Variants in ISLR observed in about 807,000 individuals in gnomAD.
The protein encoded by ISLR is immunoglobulin superfamily containing leucine rich repeat.
Under a neutral mutation model 11.0 loss-of-function variants are expected in ISLR, and 9 were observed. The observed-to-expected ratio is 0.82, with a 90% CI of 0.49 to 1.43. The LOEUF (loss-of-function observed/expected upper bound fraction) is 1.43. ISLR is among the 40% of genes most tolerant of loss of function. The pLI, the probability that ISLR is intolerant of heterozygous loss-of-function variation, is 0.00. For missense variants in ISLR, 510 were observed against 576.4 expected (o/e 0.88, Z 1.18); for synonymous variants, 262 against 264.1 (o/e 0.99, Z 0.08).
intron 1 of ISLR, chr15:74,174,576 G>C: frequency 2.6e-6 from 1 of 387,520 alleles, no homozygotes; most frequent in Non-Finnish European, 4.6e-6. Context: ...GGCCGAGGCA[G>C]GGAGAACTCT....
Position 74,176,619 on chromosome 15 carries a change from CCTGCT to C in ISLR, c.*476_*480del. 5.7e-6 allele frequency: 1 copy of C among 175,048 alleles called. No homozygotes were observed. Among genetic ancestry groups the C allele is most frequent in the Non-Finnish European group, 1.4e-5 (1 of 73,776 alleles). 10.8% of individuals were successfully genotyped at this position (175,048 alleles called of 1,614,324 possible). A position where few individuals can be genotyped will look rare whatever the true frequency, so the allele number is the denominator to read the frequency against. On this transcript the variant is annotated 3_prime_UTR_variant, in exon 2 of 2. Transcript: ENST00000249842. ...GGTATGGCTCTGAGGCTCCCTGGGG[CCTGCT>C]CAAGCTCCTCCTGCTCCTTGCTGTT... is the stretch of plus-strand genomic sequence containing the variant.
At position 74,176,609 on chromosome 15, in the gene ISLR, CTCCCTGG is replaced by C; in HGVS notation, c.*465_*471del. ...GACAGTGGCTGGTATGGCTCTGAGGCTCCCTGGGGCCTGCTCAAGCTCCTCCTGCTCC... is the reference window on the plus strand; with the variant it reads ...GACAGTGGCTGGTATGGCTCTGAGGCGGCCTGCTCAAGCTCCTCCTGCTCC... On this transcript the variant is annotated 3_prime_UTR_variant, in exon 2 of 2. Coordinates refer to ENST00000249842, the MANE Select transcript of ISLR (RefSeq NM_005545.4). The C allele has an allele frequency of 1.1e-5, 2 of 176,336 alleles. No individual in the cohort carries two copies. The highest frequency in any genetic ancestry group is 2.7e-5 in the Non-Finnish European group (2 of 74,682). The allele number at this position is 176,336 out of a possible 1,614,324, so 10.9% of individuals were successfully genotyped here. A position where few individuals can be genotyped will look rare whatever the true frequency, so the allele number is the denominator to read the frequency against.
In ISLR at chr15:74,175,706, C is replaced by G; in HGVS notation, c.848C>G (p.Pro283Arg). 1 of 1,614,098 alleles carries G rather than the reference C, an allele frequency of 6.2e-7. No homozygotes were observed. Among genetic ancestry groups the G allele is most frequent in the East Asian group, 2.2e-5 (1 of 44,876 alleles). ...IPSGIVEITS[P>R]NVGTDGRALP... ...AGTGGCATTGTGGAGATCACCAGCC[C>G]CAACGTGGGCACTGATGGGCGTGCC... The change falls in exon 2 of 2, where the codon CCC becomes CGC. Residue 283 changes from proline (P) to arginine (R), a missense_variant. Transcript: ENST00000249842. This position sits in a 1 kb window ranked among gnomAD's most constrained non-coding sequence, Gnocchi z 4.7.
At position 74,175,099 on chromosome 15, in the gene ISLR, C is replaced by T. The variant is rs1174403488; in HGVS notation, c.241C>T (p.Leu81=). The change falls in exon 2 of 2, where the codon CTG becomes TTG. Residue 81 remains leucine (L), a synonymous_variant. Coordinates refer to ENST00000249842, the MANE Select transcript of ISLR (RefSeq NM_005545.4). This position sits in a 1 kb window ranked among gnomAD's most constrained non-coding sequence, Gnocchi z 4.7. The part of the protein sequence containing the change: ...REVPLLQSLW[L]AHNEIRTVAA... The stretch of plus-strand genomic sequence containing the variant: ...GGTGCCCCTGCTGCAGTCGCTGTGG[C>T]TGGCACACAATGAGATCCGCACGGT... 6.2e-6 allele frequency: 10 copies of T among 1,611,646 alleles called. No homozygotes were observed. The Middle Eastern group carries it at 6.6e-4, about 106-fold the overall frequency.
At position 74,176,061 on chromosome 15, in the gene ISLR, A is replaced by G. The variant is rs1400039056; in HGVS notation, c.1203A>G (p.Ala401=). The G allele has an allele frequency of 6.2e-7, 1 of 1,610,812 alleles. No homozygotes were observed. Among genetic ancestry groups the G allele is most frequent in the African/African-American group, 1.3e-5 (1 of 74,914 alleles). The change falls in exon 2 of 2, where the codon GCA becomes GCG. Residue 401 remains alanine (A), a synonymous_variant. Transcript: ENST00000249842. ...SRAGNPEAAV[A]EGVPGQLPPG... is the part of the protein sequence containing the mutation. Reference sequence around the variant, plus strand: ...CTGGGAACCCTGAGGCTGCAGTCGCAGAAGGGGTCCCTGGGCAGCTGCCCC... The same window carrying G: ...CTGGGAACCCTGAGGCTGCAGTCGCGGAAGGGGTCCCTGGGCAGCTGCCCC...
At chr15:74,174,582 ACT>A (rs765426499) in intron 1 of ISLR, 9 of 388,146 alleles carry the variant, frequency 2.3e-5, no homozygotes, top group Non-Finnish European at 3.7e-5. Flanking sequence ...GGCAGGGAGA[ACT>A]CTCCACTCGG....
In ISLR at chr15:74,175,657, C is replaced by A; in HGVS notation, c.799C>A (p.Leu267Ile). ...TGTGGACGGGCAGCCGGCCCCTCAG[C>A]TTCACTGGCACATCCAGATACCCAG... is the stretch of plus-strand genomic sequence containing the variant. ...CDVDGQPAPQ[L>I]HWHIQIPSGI... The change falls in exon 2 of 2, where the codon CTT becomes ATT. Residue 267 changes from leucine (L) to isoleucine (I), a missense_variant. Physicochemically the swap from Leu to Ile is conservative, Grantham distance 5. Transcript: ENST00000249842. This position sits in a 1 kb window ranked among gnomAD's most constrained non-coding sequence, Gnocchi z 4.7. 1 of 1,614,140 alleles carries A rather than the reference C, an allele frequency of 6.2e-7. No homozygotes were observed. Among genetic ancestry groups the A allele is most frequent in the Non-Finnish European group, 8.5e-7 (1 of 1,180,028 alleles).
At position 74,175,184 on chromosome 15, in the gene ISLR, T is replaced by C; in HGVS notation, c.326T>C (p.Leu109Pro). The C allele has an allele frequency of 6.2e-7, 1 of 1,613,074 alleles. No homozygotes were observed. Among genetic ancestry groups the C allele is most frequent in the Admixed American group, 1.7e-5 (1 of 60,008 alleles). Reference sequence around the variant, plus strand: ...AAGAGCCTGGACCTCAGCCACAATCTCATCTCTGACTTTGCCTGGAGCGAC... The same window carrying C: ...AAGAGCCTGGACCTCAGCCACAATCCCATCTCTGACTTTGCCTGGAGCGAC... ...HLKSLDLSHN[L>P]ISDFAWSDLH... Residue 109 changes from leucine to proline, a missense_variant, in exon 2 of 2, where the codon CTC (leucine) becomes CCC (proline). Transcript: ENST00000249842. The surrounding 1 kb of genome is among the most constrained non-coding windows in gnomAD (Gnocchi z 4.7).
Position 74,175,729 on chromosome 15 carries a change from G to T in ISLR, c.871G>T (p.Ala291Ser). The change falls in exon 2 of 2, where the codon GCC becomes TCC. Residue 291 changes from alanine (A) to serine (S), a missense_variant. Coordinates refer to ENST00000249842, the MANE Select transcript of ISLR (RefSeq NM_005545.4). This position sits in a 1 kb window ranked among gnomAD's most constrained non-coding sequence, Gnocchi z 4.7. ...TSPNVGTDGR[A>S]LPGTPVASSQ... Reference sequence around the variant, plus strand: ...CCCCAACGTGGGCACTGATGGGCGTGCCCTGCCTGGCACCCCTGTGGCCAG... The same window carrying T: ...CCCCAACGTGGGCACTGATGGGCGTTCCCTGCCTGGCACCCCTGTGGCCAG... 1.2e-6 allele frequency: 2 copies of T among 1,613,916 alleles called. No homozygotes were observed. The highest frequency in any genetic ancestry group is 1.7e-6 in the Non-Finnish European group (2 of 1,179,916).
At position 74,175,056 on chromosome 15, in the gene ISLR, G is replaced by T. The variant is rs200581049; in HGVS notation, c.198G>T (p.Pro66=). 5 of 1,611,460 alleles carry T rather than the reference G, an allele frequency of 3.1e-6. No individual in the cohort carries two copies. Among genetic ancestry groups the T allele is most frequent in the Non-Finnish European group, 2.5e-6 (3 of 1,179,040 alleles). ...SLSANRLPGL[P]EGAFREVPLL... is the part of the protein sequence containing the mutation. ...CAGCCAACCGGCTGCCAGGCTTGCC[G>T]GAGGGTGCCTTCAGGGAGGTGCCCC... Residue 66 remains proline (P), a synonymous_variant, in exon 2 of 2, where the codon CCG becomes CCT. Transcript: ENST00000249842. This position sits in a 1 kb window ranked among gnomAD's most constrained non-coding sequence, Gnocchi z 4.7.
At position 74,176,085 on chromosome 15, in the gene ISLR, C is replaced by T; in HGVS notation, c.1227C>T (p.Pro409=). 1.2e-6 allele frequency: 2 copies of T among 1,600,022 alleles called. No homozygotes were observed. Among genetic ancestry groups the T allele is most frequent in the Non-Finnish European group, 1.7e-6 (2 of 1,172,918 alleles). ...AVAEGVPGQL[P]PGLLLLGQSL... The stretch of plus-strand genomic sequence containing the variant: ...CAGAAGGGGTCCCTGGGCAGCTGCC[C>T]CCAGGCCTGCTCCTGCTGGGCCAAA... Residue 409 remains proline, a synonymous_variant, in exon 2 of 2, where the codon CCC becomes CCT. Transcript: ENST00000249842.
At chr15:74,174,468 C>T (rs1044360769) in intron 1 of ISLR, 3 of 121,936 alleles carry the variant, frequency 2.5e-5, no homozygotes, top group South Asian at 2.1e-4. Context: ...GGAGGGACTG[C>T]GGCCAGGATG....
In ISLR at chr15:74,175,643, A is replaced by T. The variant is rs750885731; in HGVS notation, c.785A>T (p.Gln262Leu). 1.9e-6 allele frequency: 3 copies of T among 1,614,106 alleles called. No homozygotes were observed. The South Asian group carries it at 3.3e-5, about 18-fold the overall frequency. Residue 262 changes from glutamine (Q) to leucine (L), a missense_variant, in exon 2 of 2, where the codon CAG becomes CTG. Physicochemically the swap from Gln to Leu is moderately radical, Grantham distance 113. Transcript: ENST00000249842. The surrounding 1 kb of genome is among the most constrained non-coding windows in gnomAD (Gnocchi z 4.7). Reference protein sequence around the residue: ...VLALHCDVDGQPAPQLHWHIQ... With the variant: ...VLALHCDVDGLPAPQLHWHIQ... ...GCACTGCACTGTGATGTGGACGGGC[A>T]GCCGGCCCCTCAGCTTCACTGGCAC...
At position 74,175,392 on chromosome 15, in the gene ISLR, CG is replaced by C; in HGVS notation, c.535del (p.Glu179ArgfsTer18). ...CCGCGCTGTCCCACCTGCAGATCAACGAGAACCCCTTCGACTGCACCTGCGG... is the reference window on the plus strand; with the variant it reads ...CCGCGCTGTCCCACCTGCAGATCAACAGAACCCCTTCGACTGCACCTGCGG... ...LTALSHLQIN[E>X]NPFDCTCGIV... On this transcript the variant is annotated frameshift_variant, in exon 2 of 2. Transcript: ENST00000249842. LOFTEE classifies it high-confidence loss of function. The surrounding 1 kb of genome is among the most constrained non-coding windows in gnomAD (Gnocchi z 4.7). The C allele has an allele frequency of 6.2e-7, 1 of 1,611,892 alleles. No homozygotes were observed. The highest frequency in any genetic ancestry group is 8.5e-7 in the Non-Finnish European group (1 of 1,179,920).
chr15:74,174,807 G>T, intron 1 of ISLR, 44 bp from the exon 2 acceptor site: 3 of 1,437,438 alleles, frequency 2.1e-6, no homozygotes, highest in Middle Eastern at 1.9e-4. Context: ...GAGTCCCTTT[G>T]GCAGGTTCTC....
rs1359417079 is a variant in ISLR, at chr15:74,175,212, G to T, written c.354G>T (p.Leu118=). ...NLISDFAWSD[L]HNLSALQLLK... is the part of the protein sequence containing the mutation. ...TCTCTGACTTTGCCTGGAGCGACCTGCACAACCTCAGTGCCCTCCAATTGC... is the reference window on the plus strand; with the variant it reads ...TCTCTGACTTTGCCTGGAGCGACCTTCACAACCTCAGTGCCCTCCAATTGC... The change falls in exon 2 of 2, where the codon CTG becomes CTT. Residue 118 remains leucine, a synonymous_variant. Coordinates refer to ENST00000249842, the MANE Select transcript of ISLR (RefSeq NM_005545.4). This position sits in a 1 kb window ranked among gnomAD's most constrained non-coding sequence, Gnocchi z 4.7. The T allele has an allele frequency of 6.2e-7, 1 of 1,613,336 alleles. No homozygotes were observed. Among genetic ancestry groups the T allele is most frequent in the Non-Finnish European group, 8.5e-7 (1 of 1,180,018 alleles).
intron 1 of ISLR, chr15:74,174,531 A>C: frequency 8.0e-6 from 2 of 251,226 alleles, no homozygotes; most frequent in Non-Finnish European, 1.5e-5. Context: ...GGTGGCTGGA[A>C]AACAGATTTC....
intron 1 of ISLR, chr15:74,174,516 AG>A (rs937939732): frequency 4.5e-5 from 5 of 110,700 alleles, no homozygotes; most frequent in African/African-American, 2.0e-4. Flanking sequence ...GTGCTGGGGG[AG>A]GGGGGTGGCT....
chr15:74,176,299 C>T lies in ISLR; in HGVS notation c.*154C>T. 5.0e-6 allele frequency: 3 copies of T among 604,576 alleles called. No homozygotes were observed. Among genetic ancestry groups the T allele is most frequent in the Admixed American group, 3.4e-5 (1 of 29,036 alleles). 37.5% of individuals were successfully genotyped at this position (604,576 alleles called of 1,614,324 possible). A position where few individuals can be genotyped will look rare whatever the true frequency, so the allele number is the denominator to read the frequency against. The stretch of plus-strand genomic sequence containing the variant: ...AATCTCTTCTAGAGCACCTGCTATC[C>T]CCAACTTCTAGACCTGCTCCAAACT... On this transcript the variant is annotated 3_prime_UTR_variant, in exon 2 of 2. Coordinates refer to ENST00000249842, the MANE Select transcript of ISLR (RefSeq NM_005545.4).
Sources: allele counts gnomAD v4.1 joint callset, GRCh38; gene constraint gnomAD v4.1.1; non-coding constraint Gnocchi (gnomAD v3.1); transcripts MANE v1.5; gene names NCBI Gene and HGNC (gene_info 2026-07-23, HGNC 2026-07-21).